Variants in TAF3 observed in about 807,000 individuals in gnomAD.
TAF3 encodes the protein transcription initiation factor TFIID subunit 3.
TAF3 carries 7 observed loss-of-function variants against 80.6 expected under a neutral mutation model. The observed-to-expected ratio is 0.09, with a 90% CI of 0.05 to 0.16. TAF3 has a LOEUF of 0.16. Ranked by LOEUF, TAF3 falls within the 10% of genes least tolerant of loss-of-function variation. The pLI, the probability that TAF3 is intolerant of heterozygous loss-of-function variation, is 1.00. For missense variants in TAF3, 921 were observed against 1,140.2 expected (o/e 0.81, Z 2.77); for synonymous variants, 444 against 446.1 (o/e 1.00, Z 0.06).
intron 3 of TAF3, among the ~76,000 whole-genome samples, chr10:7,969,463 T>G (rs549379608): frequency 6.6e-6 from 1 of 152,296 alleles, no homozygotes; most frequent in East Asian, 1.9e-4. Context: ...TATTAAAATT[T>G]TGGTTTCTGT....
chr10:7,838,908 GTT>G (rs71505463), intron 2 of TAF3, among the ~76,000 whole-genome samples: 7 of 101,848 alleles, frequency 6.9e-5, no homozygotes, highest in African/African-American at 7.8e-5. Flanking sequence ...GGCATTGCTT[GTT>G]TTTTTTTTTT....
Position 8,006,372 on chromosome 10 carries a change from A to G in TAF3, c.2316-2706A>G, listed in dbSNP as rs1407000970. On this transcript the variant is annotated intron_variant, in intron 4 of 6. Coordinates refer to ENST00000344293, the MANE Select transcript of TAF3 (RefSeq NM_031923.4). ...GCCTAGGCAACAAGAGTGAAACTCC[A>G]TCTCAAAAAAAAAAAACCTAGATAA... Among the ~76,000 whole-genome samples the G allele has an allele frequency of 2.6e-5, 4 of 152,074 alleles. No homozygotes were observed. In the East Asian group the frequency reaches 5.8e-4, roughly 22 times the overall value.
At chr10:7,982,821 G>A (rs1355121307) in intron 4 of TAF3, among the ~76,000 whole-genome samples, 5 of 152,160 alleles carry the variant, frequency 3.3e-5, no homozygotes, top group African/African-American at 1.2e-4. Context: ...CCTCCACAGC[G>A]GTTTTTATAG....
At chr10:7,846,692 A>G (rs1836976357) in intron 2 of TAF3, among the ~76,000 whole-genome samples, 1 of 152,082 alleles carries the variant, frequency 6.6e-6, no homozygotes, top group African/African-American at 2.4e-5. Flanking sequence ...TATCCACTGG[A>G]CCTCCTATAA....
chr10:8,006,339 A>T (rs1831993466), intron 4 of TAF3, among the ~76,000 whole-genome samples: 1 of 151,884 alleles, frequency 6.6e-6, no homozygotes, highest in African/African-American at 2.4e-5. Context: ...CTGCGCCATT[A>T]CACTCCAGCC....
At chr10:8,006,800 GA>G (rs1431686426) in intron 4 of TAF3, among the ~76,000 whole-genome samples, 1 of 152,242 alleles carries the variant, frequency 6.6e-6, no homozygotes, top group Non-Finnish European at 1.5e-5. Flanking sequence ...AATGAGGCCA[GA>G]GGCTGTCGTG....
chr10:7,988,592 A>AAAAAAAG (rs1831801559), intron 4 of TAF3, among the ~76,000 whole-genome samples: 2 of 143,456 alleles, frequency 1.4e-5, no homozygotes, highest in Non-Finnish European at 3.0e-5. Flanking sequence ...AAAAAAAAAA[A>AAAAAAAG]AAAAAAAAAG....
chr10:8,013,449 C>T (rs1832072701), intron 5 of TAF3, among the ~76,000 whole-genome samples: 1 of 151,794 alleles, frequency 6.6e-6, no homozygotes, highest in Non-Finnish European at 1.5e-5. Flanking sequence ...TCATATTGTT[C>T]ACAGAGATGA....
intron 4 of TAF3, among the ~76,000 whole-genome samples, chr10:8,005,002 T>C (rs907053979): frequency 1.3e-5 from 2 of 152,216 alleles, no homozygotes; most frequent in African/African-American, 4.8e-5. Flanking sequence ...TTCTGTCTTG[T>C]TTCCAATCTG....
At chr10:7,884,236 C>G (rs1837387182) in intron 2 of TAF3, among the ~76,000 whole-genome samples, 2 of 152,168 alleles carry the variant, frequency 1.3e-5, no homozygotes, top group Non-Finnish European at 2.9e-5. Context: ...GGTTTGGCCC[C>G]TGGGAGCCCC....
rs1564364698 is a variant in TAF3, at chr10:7,925,817, AGAAAAG to A, written c.410-38102_410-38097del. 4.2e-3 allele frequency among the ~76,000 whole-genome samples: 638 copies of A among 150,416 alleles called. 11 individuals are homozygous for A. Among genetic ancestry groups the A allele is most frequent in the African/African-American group, 0.015 (614 of 41,058 alleles). ...CCATCTCAAAAAAAAAAAAAAGAAA[AGAAAAG>A]AAAAGAAAAAGGAAGGAAGGAAAAG... On this transcript the variant is annotated intron_variant, in intron 2 of 6. Coordinates refer to ENST00000344293, the MANE Select transcript of TAF3 (RefSeq NM_031923.4).
chr10:7,967,413 A>G (rs1337320761), intron 3 of TAF3, among the ~76,000 whole-genome samples: 3 of 152,182 alleles, frequency 2.0e-5, no homozygotes, highest in Non-Finnish European at 2.9e-5. Flanking sequence ...TACAGCATCT[A>G]CCTGACTTTA....
chr10:8,008,480 T>C (rs1832018358), intron 4 of TAF3, among the ~76,000 whole-genome samples: 1 of 152,166 alleles, frequency 6.6e-6, no homozygotes, highest in Non-Finnish European at 1.5e-5. Flanking sequence ...GACAATGGCA[T>C]TGAGAGTATT....
chr10:7,891,496 A>C (rs1485009499), intron 2 of TAF3, among the ~76,000 whole-genome samples: 1 of 152,256 alleles, frequency 6.6e-6, no homozygotes, highest in Non-Finnish European at 1.5e-5. Context: ...ATTGAAAGGC[A>C]TGGTTAAGTC....
chr10:7,897,652 C>CTG (rs1338116074), intron 2 of TAF3, among the ~76,000 whole-genome samples: 132 of 151,412 alleles, frequency 8.7e-4, no homozygotes, highest in Middle Eastern at 3.4e-3. Context: ...TATTCTCTCT[C>CTG]TCTCTCTCTT....
intron 4 of TAF3, among the ~76,000 whole-genome samples, chr10:7,986,664 C>T (rs1398409252): frequency 6.6e-6 from 1 of 152,204 alleles, no homozygotes; most frequent in African/African-American, 2.4e-5. Flanking sequence ...CGCTCAGCAT[C>T]TTCAAGCTTG....
intron 2 of TAF3, among the ~76,000 whole-genome samples, chr10:7,872,672 T>C (rs1837278545): frequency 6.6e-6 from 1 of 152,374 alleles, no homozygotes; most frequent in South Asian, 2.1e-4. Flanking sequence ...TTTTCAAAAC[T>C]ATATCTGCAT....
chr10:7,955,061 T>G (rs1459411964), intron 2 of TAF3, among the ~76,000 whole-genome samples: 2 of 152,254 alleles, frequency 1.3e-5, no homozygotes, highest in Non-Finnish European at 2.9e-5. Flanking sequence ...CAGAGTGCAC[T>G]CCATATGTGA....
chr10:7,818,510 G>C lies in TAF3; in HGVS notation c.-200G>C, dbSNP rs531637963. On this transcript the variant is annotated 5_prime_UTR_variant, in exon 1 of 7. Transcript: ENST00000344293. ...CCTCGCCCCGGCGGCCGTCCAGCGG[G>C]AGGCGGAGCGAGTCCAAAATGGCGG... 8 of 501,604 alleles carry C rather than the reference G, an allele frequency of 1.6e-5. No individual in the cohort carries two copies. The highest frequency in any genetic ancestry group is 1.4e-4 in the East Asian group (4 of 28,700). The allele number at this position is 501,604 out of a possible 1,614,324, so 31.1% of individuals were successfully genotyped here. A position where few individuals can be genotyped will look rare whatever the true frequency, so the allele number is the denominator to read the frequency against.
Sources: gnomAD v4.1 joint callset for allele counts (sites outside exome capture counted in the v4.1 genomes callset) on GRCh38, gnomAD v4.1.1 for gene constraint, MANE v1.5 for transcripts, NCBI Gene and HGNC (gene_info 2026-07-23, HGNC 2026-07-21) for gene names.